Variants in JAZF1 observed in about 807,000 individuals in gnomAD.
JAZF1 encodes the protein juxtaposed with another zinc finger protein 1.
JAZF1 carries 8 observed loss-of-function variants against 26.4 expected under a neutral mutation model. That is an observed-to-expected ratio of 0.30 (90% CI 0.18 to 0.55). JAZF1 has a LOEUF of 0.55. JAZF1 is among the 20% of genes least tolerant of loss of function. The pLI, the probability that JAZF1 is intolerant of heterozygous loss-of-function variation, is 0.94. For synonymous variants in JAZF1, 126 were observed against 122.3 expected, an observed-to-expected ratio of 1.03 and a Z score of -0.20; for missense variants, 199 against 322.0, an observed-to-expected ratio of 0.62 and a Z score of 2.92.
intron 1 of JAZF1, among the ~76,000 whole-genome samples, chr7:28,141,064 A>T (rs1409638948): frequency 6.6e-6 from 1 of 152,260 alleles, no homozygotes; most frequent in Non-Finnish European, 1.5e-5. Flanking sequence ...TGGTTATGTT[A>T]TGCTATCCCA....
chr7:27,974,404 CA>C (rs1785432123), intron 2 of JAZF1, among the ~76,000 whole-genome samples: 1 of 152,174 alleles, frequency 6.6e-6, no homozygotes, highest in South Asian at 2.1e-4. Context: ...GAAAGAATTT[CA>C]GCACTGAGAG....
intron 1 of JAZF1, among the ~76,000 whole-genome samples, chr7:28,123,566 A>G (rs1311246309): frequency 6.6e-6 from 1 of 152,264 alleles, no homozygotes; most frequent in African/African-American, 2.4e-5. Context: ...GACCTTCTCT[A>G]TAGTGTCTGT....
chr7:27,879,493 G>A (rs946392072), intron 3 of JAZF1, among the ~76,000 whole-genome samples: 6 of 152,200 alleles, frequency 3.9e-5, no homozygotes, highest in Non-Finnish European at 7.4e-5. Flanking sequence ...GAACTGATAC[G>A]CTTTAGTATC....
intron 2 of JAZF1, among the ~76,000 whole-genome samples, chr7:27,988,433 G>C (rs1208103156): frequency 2.0e-5 from 3 of 149,344 alleles, no homozygotes; most frequent in African/African-American, 2.5e-5. Context: ...GAAGTGCAGT[G>C]GTGCCATCGT....
At chr7:27,856,839 G>T (rs1038523528) in intron 3 of JAZF1, among the ~76,000 whole-genome samples, 18 of 152,212 alleles carry the variant, frequency 1.2e-4, no homozygotes, top group African/African-American at 4.1e-4. Flanking sequence ...GTGCTGATTG[G>T]TGCATTCACA....
At chr7:27,866,056 C>T (rs1045136191) in intron 3 of JAZF1, among the ~76,000 whole-genome samples, 3 of 152,182 alleles carry the variant, frequency 2.0e-5, no homozygotes, top group Non-Finnish European at 4.4e-5. Flanking sequence ...AGAATGGGTT[C>T]GCAGACAGGT....
At chr7:28,037,720 A>G (rs527965006) in intron 1 of JAZF1, among the ~76,000 whole-genome samples, 1 of 152,314 alleles carries the variant, frequency 6.6e-6, no homozygotes, top group South Asian at 2.1e-4. Context: ...CTAAATGCCA[A>G]TTCACAGGAT....
At chr7:27,986,855 C>T (rs1008349496) in intron 2 of JAZF1, among the ~76,000 whole-genome samples, 2 of 152,146 alleles carry the variant, frequency 1.3e-5, no homozygotes, top group African/African-American at 4.8e-5. Context: ...CGGGGTTTCG[C>T]CGTGTTGGCC....
intron 1 of JAZF1, among the ~76,000 whole-genome samples, chr7:28,018,933 G>A (rs998978200): frequency 1.3e-5 from 2 of 152,160 alleles, no homozygotes. Flanking sequence ...GACAAAAAGG[G>A]CCAGTCATTG....
chr7:27,937,180 G>A (rs969030331), intron 2 of JAZF1, among the ~76,000 whole-genome samples: 3 of 152,086 alleles, frequency 2.0e-5, no homozygotes, highest in Admixed American at 6.5e-5. Flanking sequence ...AAAGAGATTT[G>A]TGCATTATGA....
intron 3 of JAZF1, among the ~76,000 whole-genome samples, chr7:27,866,279 T>C (rs968014365): frequency 3.9e-5 from 6 of 152,226 alleles, no homozygotes; most frequent in African/African-American, 1.2e-4. Context: ...GATTGCAATG[T>C]GCAAAGGTGC....
chr7:28,017,443 T>C (rs1782914715), intron 1 of JAZF1, among the ~76,000 whole-genome samples: 1 of 152,154 alleles, frequency 6.6e-6, no homozygotes, highest in South Asian at 2.1e-4. Context: ...ATAAGGGCTG[T>C]TTTCGGCTTC....
At chr7:28,175,508 G>T (rs1783536356) in intron 1 of JAZF1, among the ~76,000 whole-genome samples, 1 of 152,232 alleles carries the variant, frequency 6.6e-6, no homozygotes, top group South Asian at 2.1e-4. Context: ...CACTCCGTGA[G>T]ATGGATGCTG....
chr7:27,838,020 T>C (rs1283284369), intron 4 of JAZF1, among the ~76,000 whole-genome samples: 1 of 151,902 alleles, frequency 6.6e-6, no homozygotes, highest in Admixed American at 6.6e-5. Context: ...TTTTTTTTTT[T>C]TTCTTTTTTC....
At chr7:28,105,617 C>A (rs1444754223) in intron 1 of JAZF1, among the ~76,000 whole-genome samples, 1 of 152,174 alleles carries the variant, frequency 6.6e-6, no homozygotes, top group Non-Finnish European at 1.5e-5. Flanking sequence ...AAATTATATC[C>A]TGTTAAATAC....
At position 27,862,446 on chromosome 7, in the gene JAZF1, A is replaced by T. The variant is rs149824904; in HGVS notation, c.386-21579T>A. On this transcript the variant is annotated intron_variant, in intron 3 of 4. Coordinates refer to ENST00000283928, the MANE Select transcript of JAZF1 (RefSeq NM_175061.4). The stretch of plus-strand genomic sequence containing the variant: ...TGAACATAAAGCTTTACTGAGGTAT[A>T]ATTCACATACTATACAATCCACTTA... Among the ~76,000 whole-genome samples, 3 of 152,148 alleles carry T rather than the reference A, an allele frequency of 2.0e-5. No individual in the cohort carries two copies. The East Asian group carries it at 5.8e-4, about 29-fold the overall frequency.
chr7:28,149,221 A>G (rs1396055235), intron 1 of JAZF1, among the ~76,000 whole-genome samples: 1 of 152,148 alleles, frequency 6.6e-6, no homozygotes, highest in African/African-American at 2.4e-5. Flanking sequence ...CTCATATCTT[A>G]GCAATTGAAC....
chr7:27,875,698 G>C (rs1299588656), intron 3 of JAZF1, among the ~76,000 whole-genome samples: 1 of 152,212 alleles, frequency 6.6e-6, no homozygotes, highest in Non-Finnish European at 1.5e-5. Context: ...TCAGAGAACT[G>C]TCCACCCCAT....
intron 1 of JAZF1, among the ~76,000 whole-genome samples, chr7:28,054,941 T>C (rs1783678711): frequency 6.6e-6 from 1 of 151,970 alleles, no homozygotes; most frequent in South Asian, 2.1e-4. Context: ...CATTTTGAGG[T>C]AAAAGTTCTC....
Sources: gnomAD v4.1 joint callset for allele counts (sites outside exome capture counted in the v4.1 genomes callset) on GRCh38, gnomAD v4.1.1 for gene constraint, MANE v1.5 for transcripts, NCBI Gene and HGNC (gene_info 2026-07-23, HGNC 2026-07-21) for gene names.